CDH10: variants seen among roughly 807,000 people sequenced by gnomAD.
The protein encoded by CDH10 is cadherin-10.
CDH10 carries 30 observed loss-of-function variants against 73.1 expected under a neutral mutation model. The ratio of observed to expected loss-of-function variants is 0.41; its 90% confidence interval spans 0.31 to 0.56. CDH10 has a LOEUF of 0.56. CDH10 is among the 20% of genes least tolerant of loss of function. CDH10 has a pLI of 0.27. For synonymous variants in CDH10, 345 were observed against 348.2 expected, an observed-to-expected ratio of 0.99 and a Z score of 0.10; for missense variants, 815 against 973.7, an observed-to-expected ratio of 0.84 and a Z score of 2.17.
intron 1 of CDH10, among the ~76,000 whole-genome samples, chr5:24,613,852 T>G (rs1305402704): frequency 6.6e-6 from 1 of 152,164 alleles, no homozygotes; most frequent in Non-Finnish European, 1.5e-5. Context: ...TATTTCTATT[T>G]ATTTATTCAA....
At chr5:24,504,919 A>G (rs1206788430) in intron 8 of CDH10, among the ~76,000 whole-genome samples, 193 bp downstream of exon 8, 1 of 152,184 alleles carries the variant, frequency 6.6e-6, no homozygotes, top group Non-Finnish European at 1.5e-5. Flanking sequence ...CAATATGTAT[A>G]GGTATCCCTC....
At chr5:24,602,791 T>C (rs546513884) in intron 1 of CDH10, among the ~76,000 whole-genome samples, 83 of 152,124 alleles carry the variant, frequency 5.5e-4, no homozygotes, top group African/African-American at 1.6e-3. Flanking sequence ...GGGAAAGAGA[T>C]TAAGGAAAAA....
chr5:24,554,350 A>G (rs1248521760), intron 2 of CDH10, among the ~76,000 whole-genome samples: 2 of 152,020 alleles, frequency 1.3e-5, no homozygotes, highest in Non-Finnish European at 2.9e-5. Context: ...TTATTTTATG[A>G]GTATAATGTA....
Position 24,593,602 on chromosome 5 carries a change from T to C in CDH10, c.-112A>G. ...CAACATTTCATCAATGTTTTGTTCA[T>C]GTTTCCCAAAGCTTCAAACAAACAA... On this transcript the variant is annotated 5_prime_UTR_variant, in exon 2 of 12. The change abolishes an upstream ATG in the 5' untranslated region. Coordinates refer to ENST00000264463, the MANE Select transcript of CDH10 (RefSeq NM_006727.5). The C allele has an allele frequency of 1.7e-6, 1 of 597,726 alleles. No individual in the cohort carries two copies. Among genetic ancestry groups the C allele is most frequent in the South Asian group, 2.2e-5 (1 of 45,188 alleles). The allele number at this position is 597,726 out of a possible 1,614,324, so 37.0% of individuals were successfully genotyped here. A position where few individuals can be genotyped will look rare whatever the true frequency, so the allele number is the denominator to read the frequency against.
chr5:24,494,454 G>A (rs927777315), intron 9 of CDH10, among the ~76,000 whole-genome samples: 2 of 151,862 alleles, frequency 1.3e-5, no homozygotes, highest in Non-Finnish European at 2.9e-5. Context: ...TAGACTACTA[G>A]AAATCCTTAG....
At chr5:24,535,378 G>T in intron 4 of CDH10, 99 bp from the exon 5 acceptor site, 1 of 1,114,258 alleles carries the variant, frequency 9.0e-7, no homozygotes, top group Non-Finnish European at 1.3e-6. Context: ...TGATTTTTTT[G>T]AAAGATACGT....
rs13360632 is a variant in CDH10 at position 24,563,166 on chromosome 5, A to T, written c.232-25492T>A. ...GCATCTTTGAGGCTGGAAGAGTAACAGTCCTTCCTAAATTTGAAGATTTAG... is the reference window on the plus strand; with the variant it reads ...GCATCTTTGAGGCTGGAAGAGTAACTGTCCTTCCTAAATTTGAAGATTTAG... On this transcript the variant is annotated intron_variant, in intron 2 of 11. Transcript: ENST00000264463. Among the ~76,000 whole-genome samples the T allele has an allele frequency of 3.8e-3, 575 of 152,312 alleles. 3 individuals are homozygous for T. The highest frequency in any genetic ancestry group is 0.013 in the African/African-American group (548 of 41,570).
Position 24,487,583 on chromosome 5 carries a change from C to G in CDH10, c.*80G>C, listed in dbSNP as rs1481762855. ...TTGTGCTGACTGGCAGGAAAATGCT[C>G]CTGAATATCAAATATTGTGAAGTGG... On this transcript the variant is annotated 3_prime_UTR_variant, in exon 12 of 12. Coordinates refer to ENST00000264463, the MANE Select transcript of CDH10 (RefSeq NM_006727.5). 2 of 1,396,350 alleles carry G rather than the reference C, an allele frequency of 1.4e-6. No homozygotes were observed. The highest frequency in any genetic ancestry group is 1.4e-5 in the African/African-American group (1 of 69,218). The allele number at this position is 1,396,350 out of a possible 1,614,324, so 86.5% of individuals were successfully genotyped here. A position where few individuals can be genotyped will look rare whatever the true frequency, so the allele number is the denominator to read the frequency against.
chr5:24,593,723 TTTTC>T (rs1186120152), intron 1 of CDH10, 110 bp from the exon 2 acceptor site: 1 of 476,134 alleles, frequency 2.1e-6, no homozygotes, highest in Non-Finnish European at 3.7e-6. Context: ...AAAACATTCA[TTTTC>T]TTTATTTTTC....
chr5:24,563,816 A>C (rs1348697713), intron 2 of CDH10, among the ~76,000 whole-genome samples: 1 of 151,268 alleles, frequency 6.6e-6, no homozygotes, highest in Non-Finnish European at 1.5e-5. Flanking sequence ...AAAACTATGT[A>C]AATATCCCAC....
chr5:24,576,954 G>A (rs1745628402), intron 2 of CDH10, among the ~76,000 whole-genome samples: 3 of 151,360 alleles, frequency 2.0e-5, no homozygotes, highest in African/African-American at 4.9e-5. Context: ...TTTTACCTCA[G>A]TGGTCTTCCT....
At chr5:24,638,158 C>T (rs1166191858) in intron 1 of CDH10, among the ~76,000 whole-genome samples, 1 of 151,062 alleles carries the variant, frequency 6.6e-6, no homozygotes, top group Non-Finnish European at 1.5e-5. Flanking sequence ...TTCATTTCTG[C>T]CGTTTTTTTA....
intron 2 of CDH10, among the ~76,000 whole-genome samples, chr5:24,568,353 T>C (rs1292611295): frequency 6.6e-6 from 1 of 152,004 alleles, no homozygotes; most frequent in African/African-American, 2.4e-5. Flanking sequence ...TAGACATTTC[T>C]CCAAAGAAGA....
chr5:24,489,261 A>G (rs934215331), intron 11 of CDH10, among the ~76,000 whole-genome samples: 1 of 152,112 alleles, frequency 6.6e-6, no homozygotes, highest in African/African-American at 2.4e-5. Flanking sequence ...AGGGATATTA[A>G]GTTATGTTTT....
chr5:24,495,801 G>A (rs1258522250), intron 9 of CDH10, among the ~76,000 whole-genome samples: 5 of 149,876 alleles, frequency 3.3e-5, no homozygotes, highest in Non-Finnish European at 7.4e-5. Flanking sequence ...GCAGTGAGCC[G>A]AGATCACGCC....
chr5:24,591,351 C>T (rs1299536024), intron 2 of CDH10, among the ~76,000 whole-genome samples: 3 of 151,852 alleles, frequency 2.0e-5, no homozygotes, highest in Non-Finnish European at 2.9e-5. Flanking sequence ...AAAGCAGACT[C>T]AGAGAAGTGT....
At chr5:24,499,009 G>C (rs923081926) in intron 8 of CDH10, among the ~76,000 whole-genome samples, 1 of 152,062 alleles carries the variant, frequency 6.6e-6, no homozygotes, top group African/African-American at 2.4e-5. Flanking sequence ...GGACCTGAGC[G>C]GGTTGCCCGA....
At chr5:24,555,063 A>G (rs1744717509) in intron 2 of CDH10, among the ~76,000 whole-genome samples, 1 of 151,966 alleles carries the variant, frequency 6.6e-6, no homozygotes, top group Non-Finnish European at 1.5e-5. Context: ...CTTGCTTCAA[A>G]TAACTCTTTT....
At position 24,494,584 on chromosome 5, in the gene CDH10, C is replaced by T. The variant is rs1169560; in HGVS notation, c.1516-1659G>A. ...ATGTTTCAAAATAAATATACATTTCCAACTGTATATTTTCCCTTAAAATAA... is the reference window on the plus strand; with the variant it reads ...ATGTTTCAAAATAAATATACATTTCTAACTGTATATTTTCCCTTAAAATAA... On this transcript the variant is annotated intron_variant, in intron 9 of 11. Transcript: ENST00000264463. Among the ~76,000 whole-genome samples, 469 of 151,954 alleles carry T rather than the reference C, an allele frequency of 3.1e-3. 2 individuals carry two copies. The highest frequency in any genetic ancestry group is 0.011 in the African/African-American group (453 of 41,518).
Sources: allele counts gnomAD v4.1 joint callset (sites outside exome capture counted in the v4.1 genomes callset), GRCh38; gene constraint gnomAD v4.1.1; transcripts MANE v1.5; gene names NCBI Gene and HGNC (gene_info 2026-07-23, HGNC 2026-07-21).